HECTD2: variants seen among roughly 807,000 people sequenced by gnomAD.
The protein encoded by HECTD2 is probable E3 ubiquitin-protein ligase HECTD2.
HECTD2 carries 35 observed loss-of-function variants against 103.2 expected under a neutral mutation model. The ratio of observed to expected loss-of-function variants is 0.34; its 90% confidence interval spans 0.26 to 0.45. The LOEUF is 0.45. HECTD2 is among the 20% of genes least tolerant of loss of function. HECTD2 has a pLI of 1.00. For missense variants in HECTD2, 596 were observed against 937.4 expected (o/e 0.64, Z 4.76); for synonymous variants, 281 against 329.9 (o/e 0.85, Z 1.61).
chr10:91,501,085 T>C, intron 19 of HECTD2, 106 bp from the exon 20 acceptor site: 1 of 878,100 alleles, frequency 1.1e-6, no homozygotes, highest in East Asian at 2.5e-5. Flanking sequence ...ATTCAGGATA[T>C]TATGTATGCT....
intron 20 of HECTD2, among the ~76,000 whole-genome samples, chr10:91,507,335 G>T (rs1254398925): frequency 3.3e-5 from 5 of 151,482 alleles, no homozygotes; most frequent in Non-Finnish European, 7.4e-5. Flanking sequence ...AAGTCAAATT[G>T]TCCCTGTTTG....
chr10:91,426,250 G>A (rs537553322), intron 2 of HECTD2, among the ~76,000 whole-genome samples: 6 of 151,930 alleles, frequency 3.9e-5, no homozygotes, highest in South Asian at 4.2e-4. Context: ...GTTTTATCAC[G>A]GGAAATGTAC....
intron 2 of HECTD2, among the ~76,000 whole-genome samples, chr10:91,445,133 C>A (rs1419868575): frequency 6.6e-6 from 1 of 152,194 alleles, no homozygotes; most frequent in Non-Finnish European, 1.5e-5. Flanking sequence ...CGTCACAACT[C>A]TCGTTGGAAA....
In HECTD2 at chr10:91,461,373, C is replaced by G. The variant is rs544015197; in HGVS notation, c.510+17C>G. On this transcript the variant is annotated intron_variant, in intron 4 of 20. Coordinates refer to ENST00000298068, the MANE Select transcript of HECTD2 (RefSeq NM_182765.6). ...GCATTTAAGGTAATTATACATAAAA[C>G]ACACTTTTCATTTCACTTTTAGTTT... is the stretch of plus-strand genomic sequence containing the variant. 15 of 1,165,676 alleles carry G rather than the reference C, an allele frequency of 1.3e-5. No individual in the cohort carries two copies. In the South Asian group the frequency reaches 2.2e-4, roughly 17 times the overall value. 72.2% of individuals were successfully genotyped at this position (1,165,676 alleles called of 1,614,324 possible).
chr10:91,425,469 T>A, intron 2 of HECTD2, 59 bp downstream of exon 2: 1 of 1,249,050 alleles, frequency 8.0e-7, no homozygotes, highest in Non-Finnish European at 1.1e-6. Flanking sequence ...TTTTTAAAAG[T>A]AGACATTAAT....
chr10:91,506,859 G>A (rs1304932368), intron 20 of HECTD2, among the ~76,000 whole-genome samples: 2 of 150,150 alleles, frequency 1.3e-5, no homozygotes, highest in East Asian at 1.9e-4. Context: ...GATGAACATT[G>A]ATGCAAAAAT....
chr10:91,462,394 A>G (rs1438410845), intron 5 of HECTD2: 13 of 1,178,420 alleles, frequency 1.1e-5, no homozygotes, highest in East Asian at 6.3e-5. Context: ...TTTATATCCA[A>G]TCCTTTTTTA....
chr10:91,427,338 T>C (rs1366696150), intron 2 of HECTD2, among the ~76,000 whole-genome samples: 1 of 152,130 alleles, frequency 6.6e-6, no homozygotes, highest in South Asian at 2.1e-4. Flanking sequence ...TATAGCAGCA[T>C]GATTTATAGT....
intron 2 of HECTD2, among the ~76,000 whole-genome samples, chr10:91,451,238 G>C (rs537336085): frequency 3.1e-4 from 47 of 152,186 alleles, no homozygotes; most frequent in African/African-American, 1.1e-3. Flanking sequence ...GGACGAAGCT[G>C]GAAAGCATTA....
intron 20 of HECTD2, among the ~76,000 whole-genome samples, chr10:91,505,586 A>T (rs915909006): frequency 1.4e-4 from 21 of 150,996 alleles, no homozygotes; most frequent in African/African-American, 4.6e-4. Context: ...TCCTAAATAT[A>T]TATGCACCCA....
intron 5 of HECTD2, among the ~76,000 whole-genome samples, chr10:91,468,203 C>T (rs1257736940): frequency 1.3e-5 from 2 of 152,156 alleles, no homozygotes; most frequent in Non-Finnish European, 2.9e-5. Context: ...TTTGGCACAG[C>T]AGGTTCCTAA....
chr10:91,507,722 AT>A (rs1157161826), intron 20 of HECTD2, among the ~76,000 whole-genome samples: 8 of 141,360 alleles, frequency 5.7e-5, no homozygotes, highest in Non-Finnish European at 9.0e-5. Context: ...ATTCAATGCC[AT>A]CCCCATCAAG....
At chr10:91,426,737 G>A (rs1447949392) in intron 2 of HECTD2, among the ~76,000 whole-genome samples, 1 of 151,608 alleles carries the variant, frequency 6.6e-6, no homozygotes, top group African/African-American at 2.4e-5. Flanking sequence ...TTTTTGATTG[G>A]CCATATTGAC....
rs1213490135 is a variant in HECTD2, at chr10:91,492,901, GA to G, written c.1432+423del. Among the ~76,000 whole-genome samples, 3 of 151,860 alleles carry G rather than the reference GA, an allele frequency of 2.0e-5. No homozygotes were observed. The South Asian group carries it at 6.2e-4, about 31-fold the overall frequency. The stretch of plus-strand genomic sequence containing the variant: ...AAGAATTCATGAATTAATTTTTTAA[GA>G]AAAAATAAGCCTTTGAAATTTTTTA... On this transcript the variant is annotated intron_variant, in intron 13 of 20. Coordinates refer to ENST00000298068, the MANE Select transcript of HECTD2 (RefSeq NM_182765.6).
At position 91,438,648 on chromosome 10, in the gene HECTD2, G is replaced by A. The variant is rs1355930651; in HGVS notation, c.268+13238G>A. Among the ~76,000 whole-genome samples, 8 of 152,086 alleles carry A rather than the reference G, an allele frequency of 5.3e-5. No individual in the cohort carries two copies. The East Asian group carries it at 5.8e-4, about 11-fold the overall frequency. ...TCTGGTTGTAGATCCTTGAGGAATC[G>A]CCACACTGTCTTCCACAATGGTTTA... On this transcript the variant is annotated intron_variant, in intron 2 of 20. Coordinates refer to ENST00000298068, the MANE Select transcript of HECTD2 (RefSeq NM_182765.6).
At chr10:91,429,727 C>T (rs969688342) in intron 2 of HECTD2, among the ~76,000 whole-genome samples, 49 of 152,032 alleles carry the variant, frequency 3.2e-4, no homozygotes, top group Non-Finnish European at 6.2e-4. Context: ...TGGTGATATC[C>T]CCTTTATCAT....
chr10:91,425,444 T>C lies in HECTD2; in HGVS notation c.268+34T>C, dbSNP rs554906055. ...TTTTTAAATATATTTTGGCTAAAAG[T>C]ATATTTTTAAATTATTTTTAAAAGT... is the stretch of plus-strand genomic sequence containing the variant. On this transcript the variant is annotated intron_variant, in intron 2 of 20. Transcript: ENST00000298068. The C allele has an allele frequency of 4.5e-5, 63 of 1,389,206 alleles. No homozygotes were observed. In the African/African-American group the frequency reaches 6.6e-4, roughly 15 times the overall value. The allele number at this position is 1,389,206 out of a possible 1,614,324, so 86.1% of individuals were successfully genotyped here. A position where few individuals can be genotyped will look rare whatever the true frequency, so the allele number is the denominator to read the frequency against.
chr10:91,430,662 T>G (rs1843818557), intron 2 of HECTD2, among the ~76,000 whole-genome samples: 1 of 152,190 alleles, frequency 6.6e-6, no homozygotes, highest in Non-Finnish European at 1.5e-5. Context: ...TTGATCTTTT[T>G]TGGTTTAAAG....
At chr10:91,501,406 G>T in intron 20 of HECTD2, 72 bp downstream of exon 20, 1 of 925,898 alleles carries the variant, frequency 1.1e-6, no homozygotes. Flanking sequence ...AATACATTTG[G>T]AATCAGGATG....
Sources: gnomAD v4.1 joint callset for allele counts (sites outside exome capture counted in the v4.1 genomes callset) on GRCh38, gnomAD v4.1.1 for gene constraint, MANE v1.5 for transcripts, NCBI Gene and HGNC (gene_info 2026-07-23, HGNC 2026-07-21) for gene names.